The following TSHZ3 variants were observed in gnomAD, a reference collection of about 807,000 sequenced individuals.
TSHZ3 encodes teashirt zinc finger homeobox 3.
A neutral mutation model predicts 64.5 loss-of-function variants in TSHZ3; 10 were observed. The observed-to-expected ratio is 0.16, with a 90% confidence interval of 0.10 to 0.26. TSHZ3 has a LOEUF of 0.26. Among genes scored for constraint, TSHZ3 ranks in the 10% least tolerant of loss-of-function variants. The pLI is 1.00. For synonymous variants in TSHZ3, 608 were observed against 593.1 expected, an observed-to-expected ratio of 1.03 and a Z score of -0.36; for missense variants, 1,242 against 1,421.7, an observed-to-expected ratio of 0.87 and a Z score of 2.03.
At chr19:31,288,233 C>T (rs1019750479) in intron 1 of TSHZ3, among the ~76,000 whole-genome samples, 11 of 152,142 alleles carry the variant, frequency 7.2e-5, no homozygotes, top group African/African-American at 2.7e-4. Context: ...AGCAGGCTCT[C>T]CAGGACTCAT....
intron 1 of TSHZ3, among the ~76,000 whole-genome samples, chr19:31,307,540 G>T (rs181230472): frequency 5.5e-4 from 83 of 152,288 alleles, no homozygotes; most frequent in Non-Finnish European, 1.0e-3. Context: ...AAATAAAACC[G>T]CGTGATGAAT....
chr19:31,315,858 T>C (rs1376295126), intron 1 of TSHZ3, among the ~76,000 whole-genome samples: 7 of 152,172 alleles, frequency 4.6e-5, no homozygotes, highest in Non-Finnish European at 4.4e-5. Flanking sequence ...AGGTGATTTA[T>C]TAAGCTAATA....
intron 1 of TSHZ3, among the ~76,000 whole-genome samples, chr19:31,319,323 CTTCT>C (rs1278572909): frequency 1.3e-5 from 2 of 152,182 alleles, no homozygotes; most frequent in Non-Finnish European, 2.9e-5. Context: ...GTAGGTTTTC[CTTCT>C]TTAAGAATTT....
At chr19:31,349,473 C>CGGG (rs993318755), upstream of TSHZ3, 5 of 297,560 alleles carry the variant, frequency 1.7e-5, no homozygotes, top group Non-Finnish European at 3.0e-5. Flanking sequence ...GGGAGGAGCA[C>CGGG]GGGGGGGAGG....
At chr19:31,245,791 C>T (rs1238647298) in intron 1 of TSHZ3, among the ~76,000 whole-genome samples, 2 of 152,186 alleles carry the variant, frequency 1.3e-5, no homozygotes, top group Non-Finnish European at 2.9e-5. Flanking sequence ...ACAACCCATC[C>T]TGTGGTGCCC....
chr19:31,209,275 G>A (rs1027848796), intron 4 of TSHZ3, among the ~76,000 whole-genome samples: 2 of 152,210 alleles, frequency 1.3e-5, no homozygotes, highest in African/African-American at 4.8e-5. Flanking sequence ...AATTGCAAAA[G>A]TAATGGGAAC....
chr19:31,150,284 C>T (rs902693637), exon 7 of TSHZ3, among the ~76,000 whole-genome samples: 11 of 152,198 alleles, frequency 7.2e-5, no homozygotes, highest in Non-Finnish European at 1.2e-4. Context: ...CGGGCTCTTT[C>T]TGTCTTGCTT....
intron 3 of TSHZ3, among the ~76,000 whole-genome samples, chr19:31,232,352 T>C (rs1359099851): frequency 6.6e-6 from 1 of 151,916 alleles, no homozygotes; most frequent in East Asian, 1.9e-4. Flanking sequence ...ATCTGACAAA[T>C]AGTATAAATG....
chr19:31,335,284 T>C (rs1194862318), intron 1 of TSHZ3, among the ~76,000 whole-genome samples: 1 of 152,168 alleles, frequency 6.6e-6, no homozygotes, highest in Non-Finnish European at 1.5e-5. Flanking sequence ...TTCTCAGCAA[T>C]TATTTGGAAA....
In TSHZ3 at chr19:31,279,177, A is replaced by C. The variant is rs1976313277; in HGVS notation, c.616T>G (p.Ser206Ala). 2 of 1,613,304 alleles carry C rather than the reference A, an allele frequency of 1.2e-6. No homozygotes were observed. Among genetic ancestry groups the C allele is most frequent in the Non-Finnish European group, 1.7e-6 (2 of 1,179,476 alleles). Reference sequence around the variant, plus strand: ...AACTTGCTGGCCCCCGTGAAGATGGAGCCATAGAGCTTGCTGCTCTGCCGG... The same window carrying C: ...AACTTGCTGGCCCCCGTGAAGATGGCGCCATAGAGCTTGCTGCTCTGCCGG... Reference protein sequence around the residue: ...LYRQSSKLYGSIFTGASKFRC... With the variant: ...LYRQSSKLYGAIFTGASKFRC... Residue 206 changes from serine (S) to alanine (A), a missense_variant, in exon 2 of 2, where the codon TCC (serine) becomes GCC (alanine). Physicochemically the swap from Ser to Ala is moderately conservative, Grantham distance 99 (BLOSUM62 1). Transcript: ENST00000240587. The surrounding 1 kb of genome is among the most constrained non-coding windows in gnomAD (Gnocchi z 6.4).
chr19:31,259,812 C>T (rs1975961901), intron 1 of TSHZ3, among the ~76,000 whole-genome samples: 1 of 152,032 alleles, frequency 6.6e-6, no homozygotes, highest in Non-Finnish European at 1.5e-5. Flanking sequence ...ACGTGCCCAC[C>T]CTCTAAGAAC....
chr19:31,190,556 A>G (rs1216939843), intron 5 of TSHZ3, among the ~76,000 whole-genome samples: 2 of 152,216 alleles, frequency 1.3e-5, no homozygotes, highest in African/African-American at 2.4e-5. Flanking sequence ...CCCAATAATT[A>G]TCTATAAATA....
At chr19:31,260,622 G>GA (rs1975972403) in intron 1 of TSHZ3, among the ~76,000 whole-genome samples, 1 of 152,218 alleles carries the variant, frequency 6.6e-6, no homozygotes, top group South Asian at 2.1e-4. Context: ...CTTAGTGAGA[G>GA]AAAACGCACC....
chr19:31,263,284 G>A (rs1399868513), intron 1 of TSHZ3, among the ~76,000 whole-genome samples: 3 of 152,210 alleles, frequency 2.0e-5, no homozygotes, highest in African/African-American at 7.2e-5. Flanking sequence ...CTAATTTTAG[G>A]ACAGGTCATT....
At chr19:31,185,269 A>G (rs1372500651) in intron 5 of TSHZ3, among the ~76,000 whole-genome samples, 1 of 152,298 alleles carries the variant, frequency 6.6e-6, no homozygotes, top group East Asian at 1.9e-4. Context: ...CTCTTCTTCA[A>G]GGCAGCCAGG....
chr19:31,349,156 G>C lies in TSHZ3; in HGVS notation c.40+24C>G, dbSNP rs748117911. 1.0e-5 allele frequency: 16 copies of C among 1,540,340 alleles called. No homozygotes were observed. The Admixed American group carries it at 3.0e-4, about 29-fold the overall frequency. On this transcript the variant is annotated intron_variant, in intron 1 of 1. Transcript: ENST00000240587. ...GCGGAGGAAGAGGAGGAGGAGAGCA[G>C]AAGGAAGGGGAAGCGGCTCGTACCT...
intron 1 of TSHZ3, among the ~76,000 whole-genome samples, chr19:31,249,946 A>T (rs1457152397): frequency 6.6e-6 from 1 of 152,182 alleles, no homozygotes; most frequent in Non-Finnish European, 1.5e-5. Flanking sequence ...CTTCCTGGGG[A>T]TACAGAAATA....
intron 5 of TSHZ3, among the ~76,000 whole-genome samples, chr19:31,183,180 CT>C (rs1479972221): frequency 0.048 from 3,013 of 62,814 alleles, 110 homozygotes; most frequent in African/African-American, 0.12. Context: ...CTATGAGATT[CT>C]CTCTCTCTCT....
chr19:31,332,195 A>G (rs1015112372), intron 1 of TSHZ3, among the ~76,000 whole-genome samples: 14 of 152,148 alleles, frequency 9.2e-5, no homozygotes, highest in African/African-American at 3.4e-4. Flanking sequence ...CAATATAATC[A>G]TCATAAACTT....
Sources: gnomAD v4.1 joint callset for allele counts (sites outside exome capture counted in the v4.1 genomes callset) on GRCh38, gnomAD v4.1.1 for gene constraint, Gnocchi (gnomAD v3.1) non-coding constraint, MANE v1.5 for transcripts, NCBI Gene and HGNC (gene_info 2026-07-23, HGNC 2026-07-21) for gene names.